Variants in NDUFS1 observed in about 807,000 individuals in gnomAD.
NDUFS1 encodes NADH:ubiquinone oxidoreductase core subunit S1.
Under a neutral mutation model 84.4 loss-of-function variants are expected in NDUFS1, and 61 were observed. The observed-to-expected ratio is 0.72, with a 90% confidence interval of 0.59 to 0.89. The LOEUF (loss-of-function observed/expected upper bound fraction) is 0.89. Ranked by LOEUF, NDUFS1 falls within the 40% of genes least tolerant of loss-of-function variation. The probability of loss-of-function intolerance (pLI) is 0.00; values close to 1 mark genes in which losing one functional copy is unlikely to be tolerated. For synonymous variants in NDUFS1, 275 were observed against 290.0 expected, an observed-to-expected ratio of 0.95 and a Z score of 0.53; for missense variants, 891 against 890.0, an observed-to-expected ratio of 1.00 and a Z score of -0.01.
intron 12 of NDUFS1, among the ~76,000 whole-genome samples, chr2:206,140,417 T>C (rs747054801): frequency 2.6e-5 from 4 of 152,048 alleles, no homozygotes; most frequent in Non-Finnish European, 5.9e-5. Context: ...GGCAGGAGAA[T>C]TGCTTGAACC....
chr2:206,128,849 T>C (rs189387562), intron 15 of NDUFS1, among the ~76,000 whole-genome samples: 311 of 152,174 alleles, frequency 2.0e-3, no homozygotes, highest in African/African-American at 7.0e-3. Flanking sequence ...AATACAAATA[T>C]GTATAATATA....
At chr2:206,150,072 A>G in intron 3 of NDUFS1, 147 bp from the exon 4 acceptor site, 3 of 632,090 alleles carry the variant, frequency 4.7e-6, no homozygotes, top group East Asian at 5.7e-5. Context: ...TTCTTATTTC[A>G]GTCCCTTTCT....
At chr2:206,159,266 C>G (rs1559070938) in intron 1 of NDUFS1, 75 bp downstream of exon 1, 2 of 841,916 alleles carry the variant, frequency 2.4e-6, no homozygotes. Context: ...TCGCGTGGGC[C>G]AAAGGAAACA....
chr2:206,131,842 G>T (rs750207946), intron 14 of NDUFS1, among the ~76,000 whole-genome samples: 2 of 152,134 alleles, frequency 1.3e-5, no homozygotes, highest in Admixed American at 6.6e-5. Flanking sequence ...AGGAGGCTGA[G>T]GCAGGAGAAT....
Position 206,115,106 on chromosome 2 carries a change from A to G in NDUFS1, c.*9079T>C, listed in dbSNP as rs1344035205. ...ATTGCAAATGTACATCCTTTGTCTC[A>G]TGATGAATCATGCCTTGAGTCTCAC... On this transcript the variant is annotated 3_prime_UTR_variant, in exon 19 of 19. Coordinates refer to ENST00000233190, the MANE Select transcript of NDUFS1 (RefSeq NM_005006.7). 6.6e-6 allele frequency: 1 copy of G among 152,244 alleles called. No homozygotes were observed. Among genetic ancestry groups the G allele is most frequent in the African/African-American group, 2.4e-5 (1 of 41,462 alleles). 9.4% of individuals were successfully genotyped at this position (152,244 alleles called of 1,614,324 possible). A position where few individuals can be genotyped will look rare whatever the true frequency, so the allele number is the denominator to read the frequency against.
At chr2:206,132,299 A>G (rs1277918963) in intron 14 of NDUFS1, among the ~76,000 whole-genome samples, 6 of 151,932 alleles carry the variant, frequency 3.9e-5, no homozygotes, top group Non-Finnish European at 8.8e-5. Context: ...GGTTTGAAAT[A>G]AAGGCTAGGT....
At chr2:206,158,949 G>C (rs1687792761) in intron 1 of NDUFS1, 2 of 756,822 alleles carry the variant, frequency 2.6e-6, no homozygotes, top group Non-Finnish European at 4.3e-6. Context: ...ACTGTATCAG[G>C]CGTGTAAAAA....
Position 206,116,531 on chromosome 2 carries a change from C to T in NDUFS1, c.*7654G>A, listed in dbSNP as rs943167072. The T allele has an allele frequency of 2.4e-5, 24 of 1,018,400 alleles. No individual in the cohort carries two copies. In the East Asian group the frequency reaches 2.9e-4, roughly 12 times the overall value. 63.1% of individuals were successfully genotyped at this position (1,018,400 alleles called of 1,614,324 possible). ...CAGGGGTGCGGGGATGGCAGCGCTA[C>T]GCCTCAGCCACTCGCGCGGGGAGGC... On this transcript the variant is annotated 3_prime_UTR_variant, in exon 19 of 19. Transcript: ENST00000233190.
intron 12 of NDUFS1, 149 bp from the exon 13 acceptor site, chr2:206,138,763 C>T: frequency 1.1e-6 from 1 of 922,882 alleles, no homozygotes. Context: ...ACGTACCTTT[C>T]AAAACAGTGT....
intron 5 of NDUFS1, among the ~76,000 whole-genome samples, chr2:206,148,254 A>G (rs1692236639): frequency 6.6e-6 from 1 of 152,140 alleles, no homozygotes; most frequent in South Asian, 2.1e-4. Context: ...CAACCTTCAT[A>G]GATGTATATT....
intron 14 of NDUFS1, among the ~76,000 whole-genome samples, chr2:206,131,990 G>A (rs575689422): frequency 6.6e-6 from 1 of 151,606 alleles, no homozygotes; most frequent in East Asian, 1.9e-4. Context: ...CAGGTGTGGT[G>A]GCACATGCCA....
At chr2:206,134,350 C>T (rs1260119632) in intron 13 of NDUFS1, among the ~76,000 whole-genome samples, 1 of 152,062 alleles carries the variant, frequency 6.6e-6, no homozygotes, top group Non-Finnish European at 1.5e-5. Context: ...AAAAACTAAA[C>T]AGGCCAGGTG....
At chr2:206,151,004 TTTCATTCTCCC>T (rs1692351951) in intron 3 of NDUFS1, among the ~76,000 whole-genome samples, 2 of 152,170 alleles carry the variant, frequency 1.3e-5, no homozygotes, top group South Asian at 4.1e-4. Flanking sequence ...CCTGTCTACA[TTTCATTCTCCC>T]TTGAATCTAC....
intron 1 of NDUFS1, among the ~76,000 whole-genome samples, chr2:206,158,175 G>A (rs192044424): frequency 0.018 from 2,677 of 152,054 alleles, 47 homozygotes; most frequent in Non-Finnish European, 0.021. Context: ...TGTTAGCCAG[G>A]ATGGTCTCGA....
At chr2:206,128,897 G>A (rs1219145388) in intron 15 of NDUFS1, among the ~76,000 whole-genome samples, 1 of 152,022 alleles carries the variant, frequency 6.6e-6, no homozygotes, top group African/African-American at 2.4e-5. Context: ...GTATACTGAT[G>A]CTTACAAAGT....
chr2:206,143,286 T>C (rs985761302), intron 10 of NDUFS1, among the ~76,000 whole-genome samples: 3 of 152,088 alleles, frequency 2.0e-5, no homozygotes, highest in African/African-American at 7.2e-5. Context: ...TGTACAACAA[T>C]TATTAATTAA....
At chr2:206,151,414 C>T (rs1271626941) in intron 3 of NDUFS1, among the ~76,000 whole-genome samples, 1 of 152,184 alleles carries the variant, frequency 6.6e-6, no homozygotes, top group Non-Finnish European at 1.5e-5. Context: ...AATATGAACA[C>T]ACCTGTTCAT....
intron 1 of NDUFS1, among the ~76,000 whole-genome samples, chr2:206,154,295 G>A (rs781395957): frequency 2.0e-5 from 3 of 152,204 alleles, no homozygotes; most frequent in Non-Finnish European, 4.4e-5. Context: ...CACCAGGCTG[G>A]CACAGAGTAA....
chr2:206,146,164 T>C (rs904925750), intron 8 of NDUFS1, among the ~76,000 whole-genome samples: 1 of 152,140 alleles, frequency 6.6e-6, no homozygotes, highest in Non-Finnish European at 1.5e-5. Flanking sequence ...ACCTGACTAC[T>C]AAACTATGCA....
Sources: allele counts gnomAD v4.1 joint callset (sites outside exome capture counted in the v4.1 genomes callset), GRCh38; gene constraint gnomAD v4.1.1; transcripts MANE v1.5; gene names NCBI Gene and HGNC (gene_info 2026-07-23, HGNC 2026-07-21).